CUX1: variants seen among roughly 807,000 people sequenced by gnomAD.
CUX1 encodes protein CASP.
Under a neutral mutation model 158.8 loss-of-function variants are expected in CUX1, and 31 were observed. That is an observed-to-expected ratio of 0.20 (90% CI 0.15 to 0.26). The LOEUF is 0.26. CUX1 is among the 10% of genes least tolerant of loss of function. The pLI, the probability that CUX1 is intolerant of heterozygous loss-of-function variation, is 1.00. For synonymous variants in CUX1, 879 were observed against 862.1 expected, an observed-to-expected ratio of 1.02 and a Z score of -0.34; for missense variants, 1,589 against 2,014.6, an observed-to-expected ratio of 0.79 and a Z score of 4.04.
intron 1 of CUX1, among the ~76,000 whole-genome samples, chr7:101,891,495 G>A (rs1800870827): frequency 6.6e-6 from 1 of 152,150 alleles, no homozygotes; most frequent in African/African-American, 2.4e-5. Flanking sequence ...AAAGTGCTAG[G>A]ATTATAGGCA....
intron 1 of CUX1, among the ~76,000 whole-genome samples, chr7:101,873,819 AG>A (rs2131485889): frequency 6.6e-6 from 1 of 152,290 alleles, no homozygotes; most frequent in East Asian, 1.9e-4. Flanking sequence ...TCCTGGCCTC[AG>A]GTGATCCGCC....
chr7:101,940,046 C>A (rs1371703976), intron 2 of CUX1, among the ~76,000 whole-genome samples: 2 of 150,094 alleles, frequency 1.3e-5, no homozygotes, highest in African/African-American at 4.9e-5. Context: ...CACCGCTGCA[C>A]TCCAGCCTGG....
intron 1 of CUX1, among the ~76,000 whole-genome samples, chr7:101,915,474 G>C (rs1415841227): frequency 1.3e-5 from 2 of 152,192 alleles, no homozygotes; most frequent in Admixed American, 1.3e-4. Context: ...TCTGAAAAGT[G>C]GTTGGAAATA....
At chr7:101,882,904 T>C (rs1307683683) in intron 1 of CUX1, among the ~76,000 whole-genome samples, 1 of 152,190 alleles carries the variant, frequency 6.6e-6, no homozygotes, top group East Asian at 1.9e-4. Flanking sequence ...TGTCCTGGGA[T>C]TTGAAAATCT....
intron 1 of CUX1, among the ~76,000 whole-genome samples, chr7:101,870,812 G>A (rs1432318067): frequency 7.2e-5 from 11 of 152,236 alleles, no homozygotes; most frequent in African/African-American, 2.7e-4. Context: ...CTAAAGCTGT[G>A]AGGACAGTAT....
In CUX1 at chr7:102,278,056, C is replaced by A. The variant is rs782499697; in HGVS notation, c.1671C>A (p.Tyr557Ter). ...AGAAGATCAAGTTCCTGCAGAGCTA[C>A]CCTGGCCGGGTGAGGGCCCTCCCCT... is the stretch of plus-strand genomic sequence containing the variant. The change falls in exon 18 of 23, where the codon TAC becomes TAA. Residue 557 changes from tyrosine to a stop codon, truncating the protein, a stop_gained. Coordinates refer to the CUX1 transcript ENST00000292538. LOFTEE classifies it high-confidence loss of function. The A allele has an allele frequency of 3.1e-6, 5 of 1,609,838 alleles. No homozygotes were observed. The highest frequency in any genetic ancestry group is 4.2e-6 in the Non-Finnish European group (5 of 1,177,732).
At chr7:101,937,126 T>TG (rs112701804) in intron 2 of CUX1, among the ~76,000 whole-genome samples, 8 of 152,292 alleles carry the variant, frequency 5.3e-5, no homozygotes, top group Admixed American at 2.0e-4. Context: ...GCCGGGACTG[T>TG]GTTTGCATGT....
chr7:101,982,103 C>A (rs1165386772), intron 2 of CUX1, among the ~76,000 whole-genome samples: 1 of 152,236 alleles, frequency 6.6e-6, no homozygotes, highest in Non-Finnish European at 1.5e-5. Flanking sequence ...CTGTTGATTG[C>A]TAGAGTTTCC....
At chr7:102,115,348 G>C (rs1831330040) in intron 8 of CUX1, 75 bp downstream of exon 8, 9 of 1,303,944 alleles carry the variant, frequency 6.9e-6, no homozygotes, top group Non-Finnish European at 9.8e-6. Context: ...GCAGGATCGA[G>C]AAGGTTCTTG....
intron 1 of CUX1, among the ~76,000 whole-genome samples, chr7:101,880,320 C>T (rs914711117): frequency 6.6e-6 from 1 of 152,170 alleles, no homozygotes; most frequent in African/African-American, 2.4e-5. Flanking sequence ...AGACTCGGTG[C>T]CTTTGGAACA....
At chr7:102,230,246 C>T (rs1798815143) in intron 21 of CUX1, among the ~76,000 whole-genome samples, 1 of 151,940 alleles carries the variant, frequency 6.6e-6, no homozygotes. Flanking sequence ...GAGGCTGAGG[C>T]AGGTGGATCA....
At chr7:102,106,042 C>T (rs900828184) in intron 6 of CUX1, among the ~76,000 whole-genome samples, 29 of 143,162 alleles carry the variant, frequency 2.0e-4, no homozygotes, top group South Asian at 4.6e-4. Context: ...TTTCAGTTGA[C>T]TTCCTATGCT....
chr7:102,120,978 G>A (rs142005782), intron 8 of CUX1, among the ~76,000 whole-genome samples: 2 of 152,224 alleles, frequency 1.3e-5, no homozygotes, highest in African/African-American at 4.8e-5. Flanking sequence ...TGGAAGGTTC[G>A]CTTGAGCCTG....
At chr7:102,282,546 G>A (rs1171975821) in intron 21 of CUX1, among the ~76,000 whole-genome samples, 1 of 152,158 alleles carries the variant, frequency 6.6e-6, no homozygotes, top group Non-Finnish European at 1.5e-5. Context: ...GGGCCCATCT[G>A]ATCATCTGCA....
intron 1 of CUX1, among the ~76,000 whole-genome samples, chr7:101,824,889 C>T (rs1036813674): frequency 2.0e-5 from 3 of 152,360 alleles, no homozygotes; most frequent in Admixed American, 6.5e-5. Context: ...CGTTCTCCCT[C>T]TGGAACTGGG....
upstream of CUX1, chr7:101,816,041 A>C: frequency 7.0e-7 from 1 of 1,421,462 alleles, no homozygotes; most frequent in Non-Finnish European, 9.4e-7. Context: ...ATGGCGGCCA[A>C]TGTGGGATCG....
intron 5 of CUX1, among the ~76,000 whole-genome samples, chr7:102,103,899 G>A (rs1224011598): frequency 2.6e-5 from 4 of 152,008 alleles, no homozygotes; most frequent in African/African-American, 7.2e-5. Context: ...ACTCCACTTC[G>A]ATTGCTTCTT....
At chr7:102,151,773 G>GC (rs1229818979) in intron 8 of CUX1, among the ~76,000 whole-genome samples, 1 of 143,534 alleles carries the variant, frequency 7.0e-6, no homozygotes, top group African/African-American at 2.6e-5. Flanking sequence ...GTTGGGAGGT[G>GC]CCCCAAAGCA....
chr7:102,176,907 C>T (rs1424178735), intron 10 of CUX1, among the ~76,000 whole-genome samples: 1 of 150,626 alleles, frequency 6.6e-6, no homozygotes, highest in Non-Finnish European at 1.5e-5. Flanking sequence ...AAAAGTACTA[C>T]TTGAGTCATT....
Sources: gnomAD v4.1 joint callset for allele counts (sites outside exome capture counted in the v4.1 genomes callset) on GRCh38, gnomAD v4.1.1 for gene constraint, MANE v1.5 for transcripts, NCBI Gene and HGNC (gene_info 2026-07-23, HGNC 2026-07-21) for gene names.